The following RPS6KC1 variants were observed in gnomAD, a reference collection of about 807,000 sequenced individuals.
RPS6KC1 encodes ribosomal protein S6 kinase C1.
A neutral mutation model predicts 103.8 loss-of-function variants in RPS6KC1; 54 were observed. The observed-to-expected ratio is 0.52, with a 90% CI of 0.42 to 0.65. RPS6KC1 has a LOEUF of 0.65. Among genes scored for constraint, RPS6KC1 ranks in the 30% least tolerant of loss-of-function variants. RPS6KC1 has a pLI of 0.00. For synonymous variants in RPS6KC1, 439 were observed against 438.7 expected (o/e 1.00, Z -0.01); for missense variants, 1,151 against 1,253.8 (o/e 0.92, Z 1.24).
At chr1:213,671,699 G>T in the RPS6KC1 span, among the ~76,000 whole-genome samples, 1 of 152,122 alleles carries the variant, frequency 6.6e-6, no homozygotes, top group East Asian at 1.9e-4. Flanking sequence ...CAGAAGAATC[G>T]CTTGAACCTG....
intron 8 of RPS6KC1, among the ~76,000 whole-genome samples, chr1:213,228,113 G>A (rs1292649749): frequency 1.3e-5 from 2 of 152,148 alleles, no homozygotes; most frequent in African/African-American, 4.8e-5. Context: ...AATAGATGTT[G>A]GTGCTGTGTA....
At chr1:213,181,614 A>G (rs1573064285) in intron 8 of RPS6KC1, among the ~76,000 whole-genome samples, 1 of 152,252 alleles carries the variant, frequency 6.6e-6, no homozygotes, top group African/African-American at 2.4e-5. Flanking sequence ...AGAAGCATCA[A>G]TATTCAGGTA....
At chr1:213,052,257 G>A (rs2077014788) in intron 1 of RPS6KC1, among the ~76,000 whole-genome samples, 1 of 152,172 alleles carries the variant, frequency 6.6e-6, no homozygotes, top group Non-Finnish European at 1.5e-5. Flanking sequence ...TGTATGTGAC[G>A]TATGTGTGCA....
intron 7 of RPS6KC1, among the ~76,000 whole-genome samples, chr1:213,172,054 T>C (rs1298469192): frequency 6.6e-6 from 1 of 152,172 alleles, no homozygotes; most frequent in African/African-American, 2.4e-5. Flanking sequence ...GTATTCTAAA[T>C]GTGGTTGGTG....
At chr1:213,571,318 C>T in the RPS6KC1 span, among the ~76,000 whole-genome samples, 1 of 152,152 alleles carries the variant, frequency 6.6e-6, no homozygotes, top group Non-Finnish European at 1.5e-5. Context: ...TTTGCCAGTC[C>T]CTGCCCTTAG....
At chr1:213,827,692 G>A in the RPS6KC1 span, among the ~76,000 whole-genome samples, 2 of 152,096 alleles carry the variant, frequency 1.3e-5, no homozygotes, top group African/African-American at 2.4e-5. Flanking sequence ...CATGATGGGA[G>A]CATTTCCAAG....
chr1:213,706,726 G>A, the RPS6KC1 span, among the ~76,000 whole-genome samples: 1 of 152,016 alleles, frequency 6.6e-6, no homozygotes, highest in Non-Finnish European at 1.5e-5. Flanking sequence ...AGGCCCCAGT[G>A]TGTGTTGTTT....
At chr1:213,446,442 T>C in the RPS6KC1 span, among the ~76,000 whole-genome samples, 1 of 152,214 alleles carries the variant, frequency 6.6e-6, no homozygotes. Flanking sequence ...CCAGCTAGAA[T>C]CTCAGGCAGG....
At chr1:213,689,703 TAGG>T in the RPS6KC1 span, among the ~76,000 whole-genome samples, 4 of 152,228 alleles carry the variant, frequency 2.6e-5, no homozygotes, top group Non-Finnish European at 5.9e-5. Flanking sequence ...TTCCTGTGTG[TAGG>T]AGAATTGTTT....
chr1:213,054,972 A>G (rs1169636228), intron 1 of RPS6KC1, among the ~76,000 whole-genome samples: 1 of 152,212 alleles, frequency 6.6e-6, no homozygotes, highest in Non-Finnish European at 1.5e-5. Context: ...TAGATTTCTC[A>G]GCAACAGTAG....
chr1:213,682,249 A>C, the RPS6KC1 span, among the ~76,000 whole-genome samples: 1 of 152,114 alleles, frequency 6.6e-6, no homozygotes, highest in Non-Finnish European at 1.5e-5. Flanking sequence ...TTCAAAGTCC[A>C]TTCTTCTCCG....
the RPS6KC1 span, among the ~76,000 whole-genome samples, chr1:213,792,998 G>A: frequency 6.6e-6 from 1 of 152,096 alleles, no homozygotes; most frequent in African/African-American, 2.4e-5. Context: ...AAATAAAATA[G>A]CAAAAACAAC....
chr1:213,302,367 G>T, the RPS6KC1 span, among the ~76,000 whole-genome samples: 2 of 152,150 alleles, frequency 1.3e-5, no homozygotes, highest in African/African-American at 4.8e-5. Context: ...GACCTGAGAA[G>T]TTACCTAGTC....
chr1:213,284,760 A>T, the RPS6KC1 span, among the ~76,000 whole-genome samples: 3 of 152,142 alleles, frequency 2.0e-5, no homozygotes, highest in Admixed American at 2.0e-4. Context: ...TGAAAAAAGC[A>T]CACTGCATAA....
At chr1:213,418,476 C>T in the RPS6KC1 span, among the ~76,000 whole-genome samples, 5 of 152,174 alleles carry the variant, frequency 3.3e-5, no homozygotes, top group South Asian at 4.1e-4. Context: ...GAGCACTGGG[C>T]GGCAGCTGAC....
chr1:213,406,237 C>T, the RPS6KC1 span, among the ~76,000 whole-genome samples: 2 of 152,164 alleles, frequency 1.3e-5, no homozygotes, highest in Non-Finnish European at 1.5e-5. Context: ...AGGAGGGATG[C>T]GACCCTGAGA....
intron 6 of RPS6KC1, among the ~76,000 whole-genome samples, chr1:213,145,567 C>T (rs1317740479): frequency 6.6e-6 from 1 of 152,028 alleles, no homozygotes; most frequent in Non-Finnish European, 1.5e-5. Flanking sequence ...TCTGGTTGCT[C>T]ACACAGAGCT....
At chr1:213,475,589 C>T in the RPS6KC1 span, among the ~76,000 whole-genome samples, 1 of 152,064 alleles carries the variant, frequency 6.6e-6, no homozygotes, top group African/African-American at 2.4e-5. Context: ...GTGAGGAGTG[C>T]CCCTCCCACC....
chr1:213,627,282 G>T, the RPS6KC1 span, among the ~76,000 whole-genome samples: 1 of 152,184 alleles, frequency 6.6e-6, no homozygotes, highest in African/African-American at 2.4e-5. Context: ...TGTATCCTGA[G>T]ATTTTGCTGA....
Sources: gnomAD v4.1 joint callset for allele counts (sites outside exome capture counted in the v4.1 genomes callset) on GRCh38, gnomAD v4.1.1 for gene constraint, MANE v1.5 for transcripts, NCBI Gene and HGNC (gene_info 2026-07-23, HGNC 2026-07-21) for gene names.